Variants in SERPINA5 observed in about 807,000 individuals in gnomAD.
SERPINA5 encodes plasma serine protease inhibitor.
In SERPINA5, 25 loss-of-function variants were observed where a neutral mutation model predicts 25.3. That is an observed-to-expected ratio of 0.99 (90% CI 0.72 to 1.38). The LOEUF is 1.38. Ranked by LOEUF, SERPINA5 falls within the 40% of genes most tolerant of loss-of-function variation. The probability of loss-of-function intolerance (pLI) is 0.00; values close to 1 mark genes in which losing one functional copy is unlikely to be tolerated. For synonymous variants in SERPINA5, 234 were observed against 206.2 expected (o/e 1.14, Z -1.16); for missense variants, 599 against 509.5 (o/e 1.18, Z -1.69).
chr14:94,591,559 A>ATTCTATTCTATTCTATTCTATTC, intron 5 of SERPINA5, among the ~76,000 whole-genome samples: 1 of 136,450 alleles, frequency 7.3e-6, no homozygotes, highest in East Asian at 2.1e-4. Context: ...GTTCTATTCT[A>ATTCTATTCTATTCTATTCTATTC]TTCTATTCTA....
At chr14:94,584,532 C>CGGAT (rs1566836275) in intron 2 of SERPINA5, among the ~76,000 whole-genome samples, 1 of 152,008 alleles carries the variant, frequency 6.6e-6, no homozygotes. Context: ...TCCTCCCCAT[C>CGGAT]GGATCTCTAG....
At chr14:94,589,947 C>A in intron 3 of SERPINA5, 94 bp from the exon 4 acceptor site, 2 of 1,269,130 alleles carry the variant, frequency 1.6e-6, no homozygotes, top group Non-Finnish European at 2.2e-6. Context: ...TCTCCGCTGG[C>A]TATCTTTACT....
At chr14:94,586,069 C>T (rs1885072021) in intron 2 of SERPINA5, among the ~76,000 whole-genome samples, 1 of 152,112 alleles carries the variant, frequency 6.6e-6, no homozygotes, top group South Asian at 2.1e-4. Context: ...TTTCCTACTG[C>T]AGAGGGAGGA....
intron 2 of SERPINA5, among the ~76,000 whole-genome samples, chr14:94,583,400 G>A (rs1030146161): frequency 6.6e-6 from 1 of 152,194 alleles, no homozygotes; most frequent in Non-Finnish European, 1.5e-5. Flanking sequence ...TTGCTGATGG[G>A]CTGGAGTGGA....
In SERPINA5 at chr14:94,590,205, A is replaced by G; in HGVS notation, c.784A>G (p.Asn262Asp). The change falls in exon 4 of 6, where the codon AAT becomes GAT. Residue 262 changes from asparagine (N) to aspartate (D), a missense_variant. Transcript: ENST00000329597. Reference sequence around the variant, plus strand: ...GGTGGTGGGGGTCCCCTACCAAGGCAATGCCACGGCTTTGTTCATTCTCCC... The same window carrying G: ...GGTGGTGGGGGTCCCCTACCAAGGCGATGCCACGGCTTTGTTCATTCTCCC... ...CRVVGVPYQG[N>D]ATALFILPSE... The G allele has an allele frequency of 6.2e-7, 1 of 1,614,100 alleles. No homozygotes were observed.
chr14:94,587,273 T>G (rs1885121519), intron 2 of SERPINA5, 73 bp from the exon 3 acceptor site: 2 of 1,347,166 alleles, frequency 1.5e-6, no homozygotes, highest in African/African-American at 1.5e-5. Context: ...GAGTGTTGGG[T>G]GGGGACATCT....
chr14:94,591,002 CTCCA>C, intron 5 of SERPINA5, 106 bp downstream of exon 5: 1 of 999,032 alleles, frequency 1.0e-6, no homozygotes. Context: ...CTCAACTCCA[CTCCA>C]CTCCACTCCA....
chr14:94,585,375 A>T (rs1885041786), intron 2 of SERPINA5, among the ~76,000 whole-genome samples: 1 of 151,398 alleles, frequency 6.6e-6, no homozygotes, highest in Non-Finnish European at 1.5e-5. Context: ...TCTCGGAAGG[A>T]GCTCAGGACA....
intron 3 of SERPINA5, among the ~76,000 whole-genome samples, chr14:94,588,434 G>T (rs1324468861): frequency 6.6e-6 from 1 of 152,102 alleles, no homozygotes; most frequent in Non-Finnish European, 1.5e-5. Flanking sequence ...TCAGACAAAT[G>T]CTTGTTCCTC....
At chr14:94,584,851 G>A (rs548584887) in intron 2 of SERPINA5, among the ~76,000 whole-genome samples, 1 of 152,296 alleles carries the variant, frequency 6.6e-6, no homozygotes, top group Non-Finnish European at 1.5e-5. Flanking sequence ...CCCTTGGCAG[G>A]AGGGACCATA....
intron 2 of SERPINA5, chr14:94,582,348 G>A (rs1265492585): frequency 6.6e-6 from 1 of 152,234 alleles, no homozygotes; most frequent in South Asian, 2.1e-4. Flanking sequence ...TGAAGGTAAC[G>A]GACGTGTTCA....
At chr14:94,591,948 G>T in intron 5 of SERPINA5, 109 bp from the exon 6 acceptor site, 1 of 1,245,556 alleles carries the variant, frequency 8.0e-7, no homozygotes, top group East Asian at 2.3e-5. Flanking sequence ...CCATGGCTCA[G>T]TTGAACAGAT....
rs756927480 is a variant in SERPINA5, at chr14:94,587,849, A to G, written c.487A>G (p.Arg163Gly). The change falls in exon 3 of 6, where the codon AGG becomes GGG. Residue 163 changes from arginine to glycine, a missense_variant. Transcript: ENST00000329597. ...GGCAGACACTTTCCCTACCAACTTT[A>G]GGGACTCTGCAGGGGCCATGAAGCA... ...YLADTFPTNF[R>G]DSAGAMKQIN... 6.2e-6 allele frequency: 10 copies of G among 1,613,838 alleles called. No individual in the cohort carries two copies. The highest frequency in any genetic ancestry group is 4.0e-5 in the African/African-American group (3 of 74,924).
chr14:94,591,589 A>ATTCTATTCTATTC (rs1885301827), intron 5 of SERPINA5, among the ~76,000 whole-genome samples: 3 of 148,390 alleles, frequency 2.0e-5, no homozygotes, highest in African/African-American at 7.7e-5. Flanking sequence ...ATTCTATTCT[A>ATTCTATTCTATTC]TTCTATTCTA....
rs1050699174 is a variant in SERPINA5, at chr14:94,585,075, A to AAGAGGAGGCAGGACTCTGC, written c.-17-2247_-17-2229dup. On this transcript the variant is annotated intron_variant, in intron 2 of 5. Transcript: ENST00000329597. ...AAAATCAGGAAGATGCAGCCAGGAA[A>AAGAGGAGGCAGGACTCTGC]AGAGGAGGCAGGACTCTGCAGAGGA... 9.2e-5 allele frequency among the ~76,000 whole-genome samples: 14 copies of AAGAGGAGGCAGGACTCTGC among 152,320 alleles called. No individual in the cohort carries two copies. In the South Asian group the frequency reaches 1.0e-3, roughly 11 times the overall value.
chr14:94,590,742 T>A lies in SERPINA5; in HGVS notation c.891-7T>A, dbSNP rs1885250785. 1.9e-6 allele frequency: 3 copies of A among 1,613,322 alleles called. No individual in the cohort carries two copies. Among genetic ancestry groups the A allele is most frequent in the Non-Finnish European group, 2.5e-6 (3 of 1,179,618 alleles). On this transcript the variant is annotated splice_region_variant and splice_polypyrimidine_tract_variant and intron_variant, in intron 4 of 5. Coordinates refer to ENST00000329597, the MANE Select transcript of SERPINA5 (RefSeq NM_000624.6). ...ACAGTCTAAGAAAGCTCCTTTTCCC[T>A]TTCCAGGCAGCTCGAGCTTTACCTT...
intron 2 of SERPINA5, among the ~76,000 whole-genome samples, chr14:94,584,940 G>C (rs760542199): frequency 3.3e-5 from 5 of 152,232 alleles, no homozygotes; most frequent in Admixed American, 6.5e-5. Context: ...CTCCAGGCAA[G>C]TGCCATGGTG....
rs1250802616 is a variant in SERPINA5, at chr14:94,587,713, A to G, written c.351A>G (p.Glu117=). ...LHRGFQQLLQ[E]LNQPRDGFQL... ...GAGGCTTTCAGCAGCTCCTTCAGGA[A>G]CTCAACCAGCCCAGAGATGGCTTCC... The change falls in exon 3 of 6, where the codon GAA becomes GAG. Residue 117 remains glutamate, a synonymous_variant. Coordinates refer to ENST00000329597, the MANE Select transcript of SERPINA5 (RefSeq NM_000624.6). The G allele has an allele frequency of 6.2e-7, 1 of 1,613,962 alleles. No homozygotes were observed. The highest frequency in any genetic ancestry group is 2.2e-5 in the East Asian group (1 of 44,868).
chr14:94,588,456 C>T (rs1885167662), intron 3 of SERPINA5, among the ~76,000 whole-genome samples: 1 of 152,168 alleles, frequency 6.6e-6, no homozygotes, highest in Admixed American at 6.6e-5. Flanking sequence ...GAAATGCCTC[C>T]TCCTGACTCC....
Sources: gnomAD v4.1 joint callset for allele counts (sites outside exome capture counted in the v4.1 genomes callset) on GRCh38, gnomAD v4.1.1 for gene constraint, MANE v1.5 for transcripts, NCBI Gene and HGNC (gene_info 2026-07-23, HGNC 2026-07-21) for gene names.